Variants in JAM3 observed in about 807,000 individuals in gnomAD.
JAM3 encodes junctional adhesion molecule C.
In JAM3, 31 loss-of-function variants were observed where a neutral mutation model predicts 39.4. The observed-to-expected ratio is 0.79, with a 90% confidence interval of 0.59 to 1.06. The LOEUF is 1.06. JAM3 is among the 50% of genes least tolerant of loss of function. JAM3 has a pLI of 0.00. For missense variants in JAM3, 455 were observed against 391.4 expected, an observed-to-expected ratio of 1.16 and a Z score of -1.37; for synonymous variants, 182 against 148.7, an observed-to-expected ratio of 1.22 and a Z score of -1.63.
intron 1 of JAM3, among the ~76,000 whole-genome samples, chr11:134,124,592 C>T (rs1942606946): frequency 6.6e-6 from 1 of 152,170 alleles, no homozygotes; most frequent in Non-Finnish European, 1.5e-5. Flanking sequence ...CAAAAAAATC[C>T]AACTACATAA....
chr11:134,069,482 C>T (rs1941452158), intron 1 of JAM3, among the ~76,000 whole-genome samples: 1 of 151,592 alleles, frequency 6.6e-6, no homozygotes, highest in African/African-American at 2.4e-5. Flanking sequence ...CGGGCGGGGT[C>T]CTGTGCTGGG....
intron 6 of JAM3, chr11:134,147,727 C>T (rs1943104714): frequency 6.6e-6 from 1 of 152,280 alleles, no homozygotes; most frequent in South Asian, 2.1e-4. Flanking sequence ...ACCTCGTGAT[C>T]TGCCCACCTC....
intron 5 of JAM3, among the ~76,000 whole-genome samples, chr11:134,145,723 T>G (rs1414256469): frequency 6.6e-6 from 1 of 152,132 alleles, no homozygotes; most frequent in Non-Finnish European, 1.5e-5. Context: ...CACCTCCCAT[T>G]TCGGATGTTG....
intron 1 of JAM3, among the ~76,000 whole-genome samples, chr11:134,090,175 G>A (rs1422768711): frequency 1.3e-5 from 2 of 151,880 alleles, no homozygotes; most frequent in Non-Finnish European, 2.9e-5. Flanking sequence ...TTTCTTTTTT[G>A]TTGGAGTTCA....
At chr11:134,089,122 A>G (rs1941797366) in intron 1 of JAM3, among the ~76,000 whole-genome samples, 1 of 152,206 alleles carries the variant, frequency 6.6e-6, no homozygotes, top group Admixed American at 6.5e-5. Flanking sequence ...CTGTTTATCA[A>G]ATAAATCAAC....
intron 1 of JAM3, among the ~76,000 whole-genome samples, chr11:134,114,000 AG>A (rs1250164134): frequency 6.6e-6 from 1 of 152,106 alleles, no homozygotes; most frequent in Non-Finnish European, 1.5e-5. Context: ...TCTTTTCAGA[AG>A]TGTCTGTTCA....
chr11:134,144,115 T>C, intron 3 of JAM3, 126 bp from the exon 4 acceptor site: 1 of 887,434 alleles, frequency 1.1e-6, no homozygotes. Flanking sequence ...TACTCGGGAA[T>C]AGAAATAAAT....
chr11:134,071,176 C>T lies in JAM3; in HGVS notation c.76+2017C>T, dbSNP rs572644945. On this transcript the variant is annotated intron_variant, in intron 1 of 8. Coordinates refer to ENST00000299106, the MANE Select transcript of JAM3 (RefSeq NM_032801.5). The stretch of plus-strand genomic sequence containing the variant: ...CAGCAAACATTTCTTTTGTGGTTAC[C>T]CTTTGCCAGGCTCTGTTACAAGAAT... Among the ~76,000 whole-genome samples the T allele has an allele frequency of 3.3e-5, 5 of 151,986 alleles. No homozygotes were observed. In the South Asian group the frequency reaches 1.0e-3, roughly 32 times the overall value.
At chr11:134,084,995 AGTT>A (rs1415435742) in intron 1 of JAM3, among the ~76,000 whole-genome samples, 2 of 152,082 alleles carry the variant, frequency 1.3e-5, no homozygotes, top group Non-Finnish European at 2.9e-5. Flanking sequence ...TGTTGTGGGT[AGTT>A]GTTCTTGCTG....
chr11:134,143,511 T>C (rs1943012441), intron 3 of JAM3, among the ~76,000 whole-genome samples: 1 of 152,238 alleles, frequency 6.6e-6, no homozygotes, highest in African/African-American at 2.4e-5. Flanking sequence ...TGAGACTATA[T>C]GTGTGCACCA....
intron 1 of JAM3, among the ~76,000 whole-genome samples, chr11:134,088,669 A>G (rs1340870243): frequency 6.6e-6 from 1 of 152,260 alleles, no homozygotes; most frequent in Non-Finnish European, 1.5e-5. Context: ...TATATAAATA[A>G]CAGTTTTAAG....
chr11:134,078,865 C>T (rs1169502395), intron 1 of JAM3, among the ~76,000 whole-genome samples: 1 of 152,034 alleles, frequency 6.6e-6, no homozygotes, highest in Non-Finnish European at 1.5e-5. Flanking sequence ...ATGGAGAAAC[C>T]CTGTCTCTAC....
chr11:134,136,893 C>G (rs923217772), intron 1 of JAM3, among the ~76,000 whole-genome samples: 1 of 152,114 alleles, frequency 6.6e-6, no homozygotes, highest in Admixed American at 6.6e-5. Flanking sequence ...GCGGACGGAT[C>G]ACAAGGTCAG....
intron 3 of JAM3, 39 bp from the exon 4 acceptor site, chr11:134,144,201 CT>C (rs1442909755): frequency 4.3e-6 from 7 of 1,613,366 alleles, no homozygotes; most frequent in Non-Finnish European, 4.2e-6. Flanking sequence ...GCAAAGATTT[CT>C]TTAAAGAAGT....
intron 3 of JAM3, among the ~76,000 whole-genome samples, chr11:134,142,435 C>CTTTTA (rs373029955): frequency 5.0e-4 from 76 of 152,266 alleles, no homozygotes; most frequent in African/African-American, 1.8e-3. Context: ...TCGGAAGCAT[C>CTTTTA]TTTTAGTGTG....
chr11:134,148,862 G>T (rs1368930023), intron 8 of JAM3, 44 bp downstream of exon 8: 1 of 1,596,318 alleles, frequency 6.3e-7, no homozygotes, highest in South Asian at 1.1e-5. Flanking sequence ...ACCCAGCAGG[G>T]AAAACAACAT....
chr11:134,102,618 A>C (rs1942097418), intron 1 of JAM3, among the ~76,000 whole-genome samples: 1 of 152,194 alleles, frequency 6.6e-6, no homozygotes, highest in African/African-American at 2.4e-5. Context: ...AACCTTGAAA[A>C]AAGATTAGAC....
At chr11:134,127,991 T>C (rs997185797) in intron 1 of JAM3, among the ~76,000 whole-genome samples, 4 of 152,238 alleles carry the variant, frequency 2.6e-5, no homozygotes, top group Non-Finnish European at 5.9e-5. Flanking sequence ...AAAGCACATA[T>C]TGACCCCCAC....
At chr11:134,069,759 C>T (rs1941459289) in intron 1 of JAM3, among the ~76,000 whole-genome samples, 1 of 152,160 alleles carries the variant, frequency 6.6e-6, no homozygotes, top group South Asian at 2.1e-4. Flanking sequence ...AGCTGAGGAC[C>T]GGCGAGGCAG....
Sources: gnomAD v4.1 joint callset for allele counts (sites outside exome capture counted in the v4.1 genomes callset) on GRCh38, gnomAD v4.1.1 for gene constraint, MANE v1.5 for transcripts, NCBI Gene and HGNC (gene_info 2026-07-23, HGNC 2026-07-21) for gene names.